Variants in CCDC85C observed in about 807,000 individuals in gnomAD.
CCDC85C encodes coiled-coil domain containing 85C.
In CCDC85C, 18 loss-of-function variants were observed where a neutral mutation model predicts 38.3. The ratio of observed to expected loss-of-function variants is 0.47; its 90% CI spans 0.33 to 0.70. The LOEUF (loss-of-function observed/expected upper bound fraction) is 0.70, where lower values mean the gene tolerates loss of function less well. Ranked by LOEUF, CCDC85C falls within the 30% of genes least tolerant of loss-of-function variation. The pLI, the probability that CCDC85C is intolerant of heterozygous loss-of-function variation, is 0.03. For missense variants in CCDC85C, 566 were observed against 621.2 expected, an observed-to-expected ratio of 0.91 and a Z score of 0.94; for synonymous variants, 264 against 293.8, an observed-to-expected ratio of 0.90 and a Z score of 1.04.
intron 1 of CCDC85C, among the ~76,000 whole-genome samples, chr14:99,590,979 G>A (rs1171101327): frequency 2.6e-5 from 4 of 152,170 alleles, no homozygotes; most frequent in Admixed American, 6.5e-5. Flanking sequence ...AGCTGGACAC[G>A]GCGGCTCATT....
At chr14:99,570,428 G>A (rs561711843) in intron 1 of CCDC85C, among the ~76,000 whole-genome samples, 1 of 152,296 alleles carries the variant, frequency 6.6e-6, no homozygotes, top group South Asian at 2.1e-4. Flanking sequence ...GCCACACCCT[G>A]ACCCTTCCAC....
intron 1 of CCDC85C, among the ~76,000 whole-genome samples, chr14:99,590,228 T>C (rs1002736825): frequency 3.3e-5 from 5 of 151,888 alleles, no homozygotes; most frequent in African/African-American, 1.2e-4. Flanking sequence ...AAACTCCTAG[T>C]CTTGGGGACT....
In CCDC85C at chr14:99,576,013, C is replaced by T. The variant is rs887242304; in HGVS notation, c.793+27154G>A. Among the ~76,000 whole-genome samples the T allele has an allele frequency of 2.6e-5, 4 of 152,168 alleles. No individual in the cohort carries two copies. The highest frequency in any genetic ancestry group is 2.1e-4 in the South Asian group (1 of 4,824). Reference sequence around the variant, plus strand: ...AGAAACTGAGCTGCAACAGAAAACCCGGGGGAAACCCGCTGCTGTGACCAC... The same window carrying T: ...AGAAACTGAGCTGCAACAGAAAACCTGGGGGAAACCCGCTGCTGTGACCAC... On this transcript the variant is annotated intron_variant, in intron 1 of 5. Transcript: ENST00000380243. The surrounding 1 kb of genome is among the most constrained non-coding windows in gnomAD (Gnocchi z 4.8).
chr14:99,603,443 C>T lies in CCDC85C; in HGVS notation c.517G>A (p.Gly173Ser), dbSNP rs2055231064. Residue 173 changes from glycine to serine, a missense_variant, in exon 1 of 6, where the codon GGC (glycine) becomes AGC (serine). By Grantham distance (56) the Gly-to-Ser change is moderately conservative. This residue lies in a region of CCDC85C where 269 missense variants were observed against 308.2 expected (regional missense o/e 0.87). Coordinates refer to ENST00000380243, the MANE Select transcript of CCDC85C (RefSeq NM_001144995.2). The surrounding 1 kb of genome is among the most constrained non-coding windows in gnomAD (Gnocchi z 7.5). ...AASGGGGGGG[G>S]AGSRSSIDSQ... ...TCGATGGAGCTGCGGGAGCCGGCGC[C>T]GCCCCCGCCGCCGCCGCCACCGCTT... 7.9e-7 allele frequency: 1 copy of T among 1,270,702 alleles called. No individual in the cohort carries two copies. Among genetic ancestry groups the T allele is most frequent in the South Asian group, 2.7e-5 (1 of 37,404 alleles). The allele number at this position is 1,270,702 out of a possible 1,614,324, so 78.7% of individuals were successfully genotyped here.
rs1352908781 is a variant in CCDC85C at position 99,604,091 on chromosome 14, T to C, written c.-132A>G. The C allele has an allele frequency of 1.2e-6, 1 of 840,356 alleles. No homozygotes were observed. Among genetic ancestry groups the C allele is most frequent in the Non-Finnish European group, 1.4e-6 (1 of 705,772 alleles). 52.1% of individuals were successfully genotyped at this position (840,356 alleles called of 1,614,324 possible). A position where few individuals can be genotyped will look rare whatever the true frequency, so the allele number is the denominator to read the frequency against. On this transcript the variant is annotated 5_prime_UTR_variant, in exon 1 of 6. Coordinates refer to ENST00000380243, the MANE Select transcript of CCDC85C (RefSeq NM_001144995.2). ...CGCGTGCGGCCCGCCCCGCGCCGCC[T>C]GGCGCGTCCTCTCGCCGCGCCCGCC... is the stretch of plus-strand genomic sequence containing the variant.
In CCDC85C at chr14:99,503,767, C is replaced by A; in HGVS notation, c.*11479G>T. ...TTAAATCTTAACTTTAGAGCTCATA[C>A]AAAACTTTTCCATCAGCATTGTCTT... On this transcript the variant is annotated 3_prime_UTR_variant, in exon 6 of 6. Transcript: ENST00000380243. The A allele has an allele frequency of 1.3e-6, 1 of 784,314 alleles. No individual in the cohort carries two copies. The highest frequency in any genetic ancestry group is 2.1e-6 in the Non-Finnish European group (1 of 487,774). The allele number at this position is 784,314 out of a possible 1,614,324, so 48.6% of individuals were successfully genotyped here.
rs968779718 is a variant in CCDC85C at position 99,510,962 on chromosome 14, A to G, written c.*4284T>C. 1.1e-4 allele frequency: 51 copies of G among 461,174 alleles called. No individual in the cohort carries two copies. Among genetic ancestry groups the G allele is most frequent in the African/African-American group, 8.3e-4 (41 of 49,468 alleles). 28.6% of individuals were successfully genotyped at this position (461,174 alleles called of 1,614,324 possible). Reference sequence around the variant, plus strand: ...TCCTCACACCTAGAGGACGGGGACAACCAGCTTTCAGAGTAGCCTCATCAG... The same window carrying G: ...TCCTCACACCTAGAGGACGGGGACAGCCAGCTTTCAGAGTAGCCTCATCAG... On this transcript the variant is annotated 3_prime_UTR_variant, in exon 6 of 6. Coordinates refer to ENST00000380243, the MANE Select transcript of CCDC85C (RefSeq NM_001144995.2).
intron 1 of CCDC85C, chr14:99,580,261 C>G: frequency 2.5e-6 from 1 of 395,032 alleles, no homozygotes; most frequent in South Asian, 1.9e-5. Context: ...GGGTGACAGA[C>G]CAGCTAAGAT....
At chr14:99,599,143 T>C (rs2055174028) in intron 1 of CCDC85C, among the ~76,000 whole-genome samples, 1 of 152,130 alleles carries the variant, frequency 6.6e-6, no homozygotes, top group African/African-American at 2.4e-5. Context: ...TGCTCTGTCT[T>C]TTTCTAAAGG....
intron 1 of CCDC85C, among the ~76,000 whole-genome samples, chr14:99,586,906 C>G (rs944406099): frequency 7.2e-5 from 11 of 152,242 alleles, no homozygotes; most frequent in African/African-American, 2.7e-4. Context: ...CTGGGCACCA[C>G]AGCCAAGCCC....
At chr14:99,584,733 C>T (rs2139979981) in intron 1 of CCDC85C, among the ~76,000 whole-genome samples, 1 of 152,336 alleles carries the variant, frequency 6.6e-6, no homozygotes, top group Non-Finnish European at 1.5e-5. Flanking sequence ...TACCAGTGCT[C>T]AACTTTCAAG....
chr14:99,503,561 C>G lies in CCDC85C; in HGVS notation c.*11685G>C, dbSNP rs1361504275. 2 of 1,495,262 alleles carry G rather than the reference C, an allele frequency of 1.3e-6. No individual in the cohort carries two copies. The highest frequency in any genetic ancestry group is 4.9e-5 in the East Asian group (2 of 40,854). 92.6% of individuals were successfully genotyped at this position (1,495,262 alleles called of 1,614,324 possible). ...GTACCTGGATAATCCATTTTTTTCTCATCATACTCAGGATCCCAGTTAACA... is the reference window on the plus strand; with the variant it reads ...GTACCTGGATAATCCATTTTTTTCTGATCATACTCAGGATCCCAGTTAACA... On this transcript the variant is annotated 3_prime_UTR_variant, in exon 6 of 6. Transcript: ENST00000380243.
intron 1 of CCDC85C, chr14:99,580,222 C>T (rs1486226501): frequency 7.0e-6 from 3 of 427,794 alleles, no homozygotes; most frequent in African/African-American, 2.0e-5. Context: ...GCAGGCCCAG[C>T]CCCCAGGGAC....
chr14:99,547,519 A>C (rs991947170), intron 1 of CCDC85C, among the ~76,000 whole-genome samples: 1 of 152,176 alleles, frequency 6.6e-6, no homozygotes, highest in Non-Finnish European at 1.5e-5. Context: ...CATGCCTGTA[A>C]TCCCAGCACT....
chr14:99,591,899 T>C (rs1487577674), intron 1 of CCDC85C, among the ~76,000 whole-genome samples: 1 of 151,920 alleles, frequency 6.6e-6, no homozygotes, highest in Admixed American at 6.6e-5. Flanking sequence ...CATGCCCAGC[T>C]AATTTTGTAT....
Position 99,545,380 on chromosome 14 carries a change from A to G in CCDC85C, c.794-9292T>C, listed in dbSNP as rs1335560152. On this transcript the variant is annotated intron_variant, in intron 1 of 5. Transcript: ENST00000380243. This position sits in a 1 kb window ranked among gnomAD's most constrained non-coding sequence, Gnocchi z 4.7. The stretch of plus-strand genomic sequence containing the variant: ...TCATCTAGAATGTGCCCTACTTTGG[A>G]TCTGCCTGGGAACCACCAGTGTTCT... Among the ~76,000 whole-genome samples the G allele has an allele frequency of 1.3e-5, 2 of 152,144 alleles. No homozygotes were observed. The highest frequency in any genetic ancestry group is 2.9e-5 in the Non-Finnish European group (2 of 68,040).
intron 1 of CCDC85C, among the ~76,000 whole-genome samples, chr14:99,567,384 C>T (rs558462303): frequency 4.8e-4 from 73 of 152,248 alleles, no homozygotes; most frequent in African/African-American, 1.7e-3. Flanking sequence ...GAGTTGGGGG[C>T]GTGACAACCA....
At chr14:99,534,629 C>T in intron 2 of CCDC85C, 1 of 702,340 alleles carries the variant, frequency 1.4e-6, no homozygotes, top group Non-Finnish European at 2.6e-6. Context: ...GGTCCCTAAG[C>T]CATGACCTTC....
intron 1 of CCDC85C, among the ~76,000 whole-genome samples, chr14:99,586,759 C>T (rs1028001759): frequency 9.9e-5 from 15 of 152,150 alleles, no homozygotes; most frequent in African/African-American, 3.4e-4. Context: ...AATGTGTCGG[C>T]GGGGGACCCC....
Sources: allele counts gnomAD v4.1 joint callset (sites outside exome capture counted in the v4.1 genomes callset), GRCh38; gene constraint gnomAD v4.1.1; regional missense constraint gnomAD v4.1.1; non-coding constraint Gnocchi (gnomAD v3.1); transcripts MANE v1.5; gene names NCBI Gene and HGNC (gene_info 2026-07-23, HGNC 2026-07-21).